The following MRO variants were observed in gnomAD, a reference collection of about 807,000 sequenced individuals.
MRO encodes the protein protein maestro.
A neutral mutation model predicts 31.0 loss-of-function variants in MRO; 28 were observed. The observed-to-expected ratio is 0.90, with a 90% CI of 0.67 to 1.24. The LOEUF is 1.24. MRO is among the 50% of genes most tolerant of loss of function. MRO has a pLI of 0.00. For synonymous variants in MRO, 108 were observed against 108.4 expected (o/e 1.00, Z 0.02); for missense variants, 332 against 289.2 (o/e 1.15, Z -1.07).
chr18:50,815,510 C>A, intron 2 of MRO: 1 of 303,264 alleles, frequency 3.3e-6, no homozygotes, highest in Non-Finnish European at 6.5e-6. Flanking sequence ...ATATGGAAAC[C>A]AAGGTAGTGG....
chr18:50,816,780 A>C (rs1914961925), intron 2 of MRO, among the ~76,000 whole-genome samples: 1 of 152,194 alleles, frequency 6.6e-6, no homozygotes. Flanking sequence ...TCAAATTTCA[A>C]AATCAAAATA....
At chr18:50,803,367 C>CGT (rs1568126740) in intron 5 of MRO, among the ~76,000 whole-genome samples, 2 of 151,970 alleles carry the variant, frequency 1.3e-5, no homozygotes, top group Admixed American at 1.3e-4. Context: ...ATTAGCCAGG[C>CGT]ACAGTGGCAT....
chr18:50,812,410 A>G (rs1914549722), intron 2 of MRO, among the ~76,000 whole-genome samples: 1 of 152,206 alleles, frequency 6.6e-6, no homozygotes, highest in South Asian at 2.1e-4. Flanking sequence ...TCTGAATACT[A>G]GACTATTACC....
upstream of MRO, among the ~76,000 whole-genome samples, chr18:50,824,660 T>C (rs1321812760): frequency 3.3e-5 from 5 of 150,358 alleles, no homozygotes; most frequent in African/African-American, 7.3e-5. Flanking sequence ...TTCACCATGT[T>C]GGTCAGGCTG....
At chr18:50,802,309 A>T (rs1244651788) in intron 5 of MRO, among the ~76,000 whole-genome samples, 1 of 151,910 alleles carries the variant, frequency 6.6e-6, no homozygotes, top group Non-Finnish European at 1.5e-5. Context: ...TTCCAGTCTG[A>T]TTGGTTGGTT....
chr18:50,807,898 C>T (rs575567898), intron 3 of MRO, among the ~76,000 whole-genome samples: 66 of 152,254 alleles, frequency 4.3e-4, no homozygotes, highest in Admixed American at 2.9e-3. Context: ...GCCAACATGG[C>T]GAAACCCTGA....
intron 5 of MRO, among the ~76,000 whole-genome samples, chr18:50,803,036 G>A (rs1241756943): frequency 6.6e-6 from 1 of 152,028 alleles, no homozygotes; most frequent in African/African-American, 2.4e-5. Flanking sequence ...CGCCCCGCTA[G>A]GAGTCTGACA....
chr18:50,817,931 G>A (rs1442112126), intron 2 of MRO, among the ~76,000 whole-genome samples: 6 of 152,044 alleles, frequency 3.9e-5, no homozygotes, highest in Non-Finnish European at 8.8e-5. Flanking sequence ...GTTAAATCAA[G>A]GTCACAAGGC....
rs561946324 is a variant in MRO at position 50,795,720 on chromosome 18, A to T, written c.*3617T>A. 1 of 152,282 alleles carries T rather than the reference A, an allele frequency of 6.6e-6. No homozygotes were observed. The highest frequency in any genetic ancestry group is 2.4e-5 in the African/African-American group (1 of 41,444). 9.4% of individuals were successfully genotyped at this position (152,282 alleles called of 1,614,324 possible). On this transcript the variant is annotated 3_prime_UTR_variant, in exon 8 of 8. Coordinates refer to ENST00000398439, the MANE Select transcript of MRO (RefSeq NM_031939.6). ...TTTGGGAGACCAAGGTGAGCAGATCACTTGAGGTCAGGAGTTTGAGACCAG... is the reference window on the plus strand; with the variant it reads ...TTTGGGAGACCAAGGTGAGCAGATCTCTTGAGGTCAGGAGTTTGAGACCAG...
At chr18:50,816,366 G>T (rs1487527854) in intron 2 of MRO, among the ~76,000 whole-genome samples, 2 of 152,090 alleles carry the variant, frequency 1.3e-5, no homozygotes, top group African/African-American at 4.8e-5. Flanking sequence ...ATTACATCAG[G>T]TATATTGCCC....
rs548284019 is a variant in MRO, at chr18:50,816,894, G to T, written c.-5+2687C>A. On this transcript the variant is annotated intron_variant, in intron 2 of 7. Coordinates refer to ENST00000398439, the MANE Select transcript of MRO (RefSeq NM_031939.6). ...CTGTTCCAAGGCATAAGAAAATCAT[G>T]CCTGAAGCTCCTTTCCATTGGTAAA... 2.0e-5 allele frequency among the ~76,000 whole-genome samples: 3 copies of T among 152,186 alleles called. No individual in the cohort carries two copies. In the South Asian group the frequency reaches 6.2e-4, roughly 32 times the overall value.
chr18:50,822,823 C>T (rs897177583), upstream of MRO, among the ~76,000 whole-genome samples: 6 of 151,672 alleles, frequency 4.0e-5, no homozygotes, highest in Non-Finnish European at 7.4e-5. Flanking sequence ...TTCTTTCTTC[C>T]AGTGTTTACT....
chr18:50,806,366 A>G (rs978617197), intron 4 of MRO, among the ~76,000 whole-genome samples: 1 of 152,198 alleles, frequency 6.6e-6, no homozygotes. Flanking sequence ...AGGCAAAAAA[A>G]CAGAAACCTC....
chr18:50,802,738 G>A (rs958277610), intron 5 of MRO, among the ~76,000 whole-genome samples: 3 of 151,568 alleles, frequency 2.0e-5, no homozygotes, highest in Non-Finnish European at 2.9e-5. Flanking sequence ...TTTTGTTTTT[G>A]TTTTAGAGAC....
At chr18:50,824,352 G>A (rs1480179441), upstream of MRO, among the ~76,000 whole-genome samples, 3 of 152,014 alleles carry the variant, frequency 2.0e-5, no homozygotes, top group Non-Finnish European at 4.4e-5. Context: ...AAGGCAGGAG[G>A]ATTGCTTGAG....
chr18:50,815,102 A>G, intron 2 of MRO: 1 of 218,060 alleles, frequency 4.6e-6, no homozygotes, highest in South Asian at 7.9e-5. Flanking sequence ...GAAGCCAGGC[A>G]GAGTGGAAAA....
In MRO at chr18:50,799,170, T is replaced by C. The variant is rs913891142; in HGVS notation, c.*167A>G. On this transcript the variant is annotated 3_prime_UTR_variant, in exon 8 of 8. Coordinates refer to ENST00000398439, the MANE Select transcript of MRO (RefSeq NM_031939.6). The stretch of plus-strand genomic sequence containing the variant: ...TAGAATTTTACTTTAGATAAAATCA[T>C]ACAATTCCATGTATTATTTTTGCCT... 9 of 603,240 alleles carry C rather than the reference T, an allele frequency of 1.5e-5. No homozygotes were observed. Among genetic ancestry groups the C allele is most frequent in the East Asian group, 8.5e-5 (3 of 35,472 alleles). The allele number at this position is 603,240 out of a possible 1,614,324, so 37.4% of individuals were successfully genotyped here. A position where few individuals can be genotyped will look rare whatever the true frequency, so the allele number is the denominator to read the frequency against.
At chr18:50,817,508 A>C (rs1915027869) in intron 2 of MRO, among the ~76,000 whole-genome samples, 1 of 112,932 alleles carries the variant, frequency 8.9e-6, no homozygotes, top group African/African-American at 3.2e-5. Flanking sequence ...AATAAAAATA[A>C]ATAATAATAA....
At chr18:50,800,175 T>C in intron 6 of MRO, 32 bp from the exon 7 acceptor site, 1 of 1,449,402 alleles carries the variant, frequency 6.9e-7, no homozygotes, top group Non-Finnish European at 9.6e-7. Flanking sequence ...TTTTATTTAT[T>C]AGAGAGTTCC....
Sources: allele counts gnomAD v4.1 joint callset (sites outside exome capture counted in the v4.1 genomes callset), GRCh38; gene constraint gnomAD v4.1.1; transcripts MANE v1.5; gene names NCBI Gene and HGNC (gene_info 2026-07-23, HGNC 2026-07-21).